The following URB2 variants were observed in gnomAD, a reference collection of about 807,000 sequenced individuals.
URB2 encodes the protein URB2 ribosome biogenesis homolog.
Under a neutral mutation model 120.9 loss-of-function variants are expected in URB2, and 86 were observed. That is an observed-to-expected ratio of 0.71 (90% confidence interval 0.60 to 0.85). URB2 has a LOEUF of 0.85. Among genes scored for constraint, URB2 ranks in the 40% least tolerant of loss-of-function variants. URB2 has a pLI of 0.00. For synonymous variants in URB2, 755 were observed against 758.4 expected (o/e 1.00, Z 0.07); for missense variants, 1,765 against 1,836.5 (o/e 0.96, Z 0.71).
chr1:229,644,606 G>A (rs1389274751), intron 5 of URB2, among the ~76,000 whole-genome samples: 2 of 152,172 alleles, frequency 1.3e-5, no homozygotes. Flanking sequence ...GTGCCAGGGG[G>A]GCAGGCCCTG....
intron 4 of URB2, 119 bp downstream of exon 4, chr1:229,638,366 C>T: frequency 8.2e-7 from 1 of 1,223,422 alleles, no homozygotes; most frequent in South Asian, 1.7e-5. Flanking sequence ...ACATGTGCGG[C>T]TGGGTGCGGT....
intron 8 of URB2, among the ~76,000 whole-genome samples, chr1:229,652,925 C>T (rs1467290161): frequency 6.6e-6 from 1 of 152,224 alleles, no homozygotes; most frequent in East Asian, 1.9e-4. Flanking sequence ...CTGCTAAGAC[C>T]TGGTTCTCAG....
intron 8 of URB2, among the ~76,000 whole-genome samples, chr1:229,651,875 G>C (rs1666282392): frequency 1.3e-5 from 2 of 152,126 alleles, no homozygotes; most frequent in Admixed American, 6.5e-5. Context: ...ATTTGAGGGA[G>C]ACTTTTATTA....
chr1:229,655,859 T>G (rs1666395232), intron 9 of URB2, among the ~76,000 whole-genome samples: 1 of 152,260 alleles, frequency 6.6e-6, no homozygotes, highest in African/African-American at 2.4e-5. Context: ...GAGGCTGGGT[T>G]GAATGGGCTT....
At chr1:229,654,452 A>C in intron 9 of URB2, 64 bp downstream of exon 9, 3 of 1,601,834 alleles carry the variant, frequency 1.9e-6, no homozygotes, top group Non-Finnish European at 2.6e-6. Context: ...AGGGTTTCTC[A>C]ACCAAAATGG....
At chr1:229,640,143 T>C (rs531813653) in intron 4 of URB2, among the ~76,000 whole-genome samples, 2 of 152,372 alleles carry the variant, frequency 1.3e-5, no homozygotes, top group African/African-American at 4.8e-5. Context: ...TGCATTAACA[T>C]GTTGTGATTG....
At chr1:229,644,675 G>C (rs1212519462) in intron 5 of URB2, among the ~76,000 whole-genome samples, 1 of 152,152 alleles carries the variant, frequency 6.6e-6, no homozygotes, top group African/African-American at 2.4e-5. Context: ...GCTTTGGGGT[G>C]TGCCTAGTCA....
chr1:229,642,699 A>G (rs1666041670), intron 4 of URB2, among the ~76,000 whole-genome samples: 1 of 152,110 alleles, frequency 6.6e-6, no homozygotes, highest in Admixed American at 6.5e-5. Context: ...TGACTTTCCC[A>G]TCTGTTTAAA....
intron 3 of URB2, among the ~76,000 whole-genome samples, chr1:229,633,916 C>G (rs1665729940): frequency 6.6e-6 from 1 of 152,066 alleles, no homozygotes; most frequent in Admixed American, 6.5e-5. Flanking sequence ...ACTGGAACCT[C>G]TGCCTCCTGG....
rs1198379342 is a variant in URB2 at position 229,630,966 on chromosome 1, G to A, written c.127-1303G>A. On this transcript the variant is annotated intron_variant, in intron 2 of 9. Coordinates refer to ENST00000258243, the MANE Select transcript of URB2 (RefSeq NM_014777.4). ...CATTCCACTCCAGCCTGGGTGACAA[G>A]AGCGAAACTCCGTCTCAAAAAAAAA... 3.5e-5 allele frequency among the ~76,000 whole-genome samples: 4 copies of A among 115,504 alleles called. No homozygotes were observed. In the Admixed American group the frequency reaches 3.7e-4, roughly 11 times the overall value. 75.8% of individuals were successfully genotyped at this position (115,504 alleles called of 152,430 possible).
In URB2 at chr1:229,634,997, C is replaced by T. The variant is rs1665757396; in HGVS notation, c.384C>T (p.Gly128=). 6.2e-7 allele frequency: 1 copy of T among 1,608,080 alleles called. No homozygotes were observed. The change falls in exon 4 of 10, where the codon GGC becomes GGT. Residue 128 remains glycine (G), a synonymous_variant. Transcript: ENST00000258243. ...GTGCTGTCCTTCGATGTTGCCAGGGCATCCTGTCGACACCTGCCCTGGCTG... is the reference window on the plus strand; with the variant it reads ...GTGCTGTCCTTCGATGTTGCCAGGGTATCCTGTCGACACCTGCCCTGGCTG... ...NICAVLRCCQ[G]ILSTPALAVI... is the part of the protein sequence containing the mutation.
chr1:229,647,069 C>T lies in URB2; in HGVS notation c.3907-441C>T, dbSNP rs567852641. On this transcript the variant is annotated intron_variant, in intron 6 of 9. Transcript: ENST00000258243. Reference sequence around the variant, plus strand: ...ACGGGCAGGGACAGTGTTGATGATGCGTGTGGTAGGCCCTCACTGATAAGA... The same window carrying T: ...ACGGGCAGGGACAGTGTTGATGATGTGTGTGGTAGGCCCTCACTGATAAGA... Among the ~76,000 whole-genome samples, 4 of 152,278 alleles carry T rather than the reference C, an allele frequency of 2.6e-5. No individual in the cohort carries two copies. The East Asian group carries it at 5.8e-4, about 22-fold the overall frequency.
intron 6 of URB2, among the ~76,000 whole-genome samples, chr1:229,646,728 A>G (rs1666153047): frequency 6.6e-6 from 1 of 152,176 alleles, no homozygotes; most frequent in Non-Finnish European, 1.5e-5. Flanking sequence ...TTTCACTAGA[A>G]CAGTCTGGTT....
intron 9 of URB2, among the ~76,000 whole-genome samples, chr1:229,654,600 C>A (rs1354940053): frequency 6.6e-6 from 1 of 152,164 alleles, no homozygotes; most frequent in Non-Finnish European, 1.5e-5. Context: ...TCAAATGTTC[C>A]TCCCGCCTCA....
In URB2 at chr1:229,636,407, G is replaced by A; in HGVS notation, c.1794G>A (p.Trp598Ter). 2.5e-6 allele frequency: 4 copies of A among 1,614,258 alleles called. No homozygotes were observed. Among genetic ancestry groups the A allele is most frequent in the Non-Finnish European group, 3.4e-6 (4 of 1,180,052 alleles). ...CCCCAGGCCCAGAGCCAGAGCTGTG[G>A]CTGCAGAAGGTCAGTGACTCTGTGC... ...PDTPGPEPEL[W>*]LQKVSDSVLL... Residue 598 changes from tryptophan (W) to a stop codon, truncating the protein, a stop_gained, in exon 4 of 10, where the codon TGG (tryptophan) becomes TGA (stop). Transcript: ENST00000258243. LOFTEE classifies it high-confidence loss of function.
Position 229,634,996 on chromosome 1 carries a change from G to T in URB2, c.383G>T (p.Gly128Val), listed in dbSNP as rs950732439. ...TGTGCTGTCCTTCGATGTTGCCAGG[G>T]CATCCTGTCGACACCTGCCCTGGCT... ...NICAVLRCCQ[G>V]ILSTPALAVI... The change falls in exon 4 of 10, where the codon GGC becomes GTC. Residue 128 changes from glycine (G) to valine (V), a missense_variant. Transcript: ENST00000258243. The T allele has an allele frequency of 6.2e-7, 1 of 1,607,706 alleles. No homozygotes were observed. The highest frequency in any genetic ancestry group is 1.3e-5 in the African/African-American group (1 of 74,710).
Position 229,654,224 on chromosome 1 carries a change from T to C in URB2, c.4238-25T>C. 3 of 1,609,452 alleles carry C rather than the reference T, an allele frequency of 1.9e-6. No homozygotes were observed. In the South Asian group the frequency reaches 3.3e-5, roughly 18 times the overall value. On this transcript the variant is annotated intron_variant, in intron 8 of 9. Coordinates refer to ENST00000258243, the MANE Select transcript of URB2 (RefSeq NM_014777.4). ...AATGTGCTGTTTTTGAACTAATTGG[T>C]TGGGAAACACTTTGTTGTCTGTAGG... is the stretch of plus-strand genomic sequence containing the variant.
chr1:229,648,423 G>C (rs1317627376), intron 7 of URB2, among the ~76,000 whole-genome samples: 1 of 152,184 alleles, frequency 6.6e-6, no homozygotes, highest in African/African-American at 2.4e-5. Flanking sequence ...CACTCGCATA[G>C]ATCCCTTGCT....
chr1:229,628,749 G>A (rs1442102611), intron 2 of URB2, among the ~76,000 whole-genome samples: 1 of 152,174 alleles, frequency 6.6e-6, no homozygotes, highest in African/African-American at 2.4e-5. Flanking sequence ...AGGCTTTTTA[G>A]GCTAAAAATT....
Sources: gnomAD v4.1 joint callset for allele counts (sites outside exome capture counted in the v4.1 genomes callset) on GRCh38, gnomAD v4.1.1 for gene constraint, MANE v1.5 for transcripts, NCBI Gene and HGNC (gene_info 2026-07-23, HGNC 2026-07-21) for gene names.